GRIK1: variants seen among roughly 807,000 people sequenced by gnomAD.
GRIK1 encodes the protein glutamate ionotropic receptor kainate type subunit 1, also known as glutamate receptor ionotropic, kainate 1.
GRIK1 carries 69 observed loss-of-function variants against 105.7 expected under a neutral mutation model. That is an observed-to-expected ratio of 0.65 (90% CI 0.54 to 0.80). The LOEUF is 0.80. Among genes scored for constraint, GRIK1 ranks in the 30% least tolerant of loss-of-function variants. The probability of loss-of-function intolerance (pLI) is 0.00; values close to 1 mark genes in which losing one functional copy is unlikely to be tolerated. For missense variants in GRIK1, 1,109 were observed against 1,167.3 expected, an observed-to-expected ratio of 0.95 and a Z score of 0.73; for synonymous variants, 438 against 431.3, an observed-to-expected ratio of 1.02 and a Z score of -0.19.
chr21:29,848,091 C>T (rs980527244), intron 1 of GRIK1, among the ~76,000 whole-genome samples: 2 of 152,100 alleles, frequency 1.3e-5, no homozygotes, highest in East Asian at 3.9e-4. Flanking sequence ...CTAACTTGAT[C>T]GTCTCAGCCA....
intron 1 of GRIK1, among the ~76,000 whole-genome samples, chr21:29,821,912 C>A (rs1395906341): frequency 6.6e-6 from 1 of 151,940 alleles, no homozygotes; most frequent in East Asian, 1.9e-4. Flanking sequence ...CTATGCAATT[C>A]TTCTGTAAGC....
At chr21:29,772,680 C>A (rs1296542481) in intron 1 of GRIK1, among the ~76,000 whole-genome samples, 1 of 151,962 alleles carries the variant, frequency 6.6e-6, no homozygotes, top group Non-Finnish European at 1.5e-5. Context: ...TGTAAATTTG[C>A]GTATGTGAAA....
At position 29,673,094 on chromosome 21, in the gene GRIK1, C is replaced by A. The variant is rs1168713083; in HGVS notation, c.615G>T (p.Leu205=). 39 of 1,611,680 alleles carry A rather than the reference C, an allele frequency of 2.4e-5. No individual in the cohort carries two copies. Among genetic ancestry groups the A allele is most frequent in the Non-Finnish European group, 2.5e-5 (30 of 1,177,976 alleles). The change falls in exon 4 of 18, where the codon CTG becomes CTT. Residue 205 remains leucine, a synonymous_variant. Transcript: ENST00000327783. ...RYNIKIKIRQ[L]PSGNKDAKPL... ...GCTTGGCATCTTTATTCCCAGAGGG[C>A]AGCTGGCGGATTTTGATTTTAATAT... is the stretch of plus-strand genomic sequence containing the variant.
intron 1 of GRIK1, among the ~76,000 whole-genome samples, chr21:29,752,415 G>A (rs529939184): frequency 6.6e-6 from 1 of 152,308 alleles, no homozygotes; most frequent in East Asian, 1.9e-4. Context: ...CATGAAGGAT[G>A]TGTGAAAATA....
intron 8 of GRIK1, chr21:29,597,783 T>C (rs193133041): frequency 1.0e-3 from 230 of 228,656 alleles, no homozygotes; most frequent in Admixed American, 1.9e-3. Flanking sequence ...CACCTTCTAA[T>C]ACATTCAGCC....
intron 3 of GRIK1, among the ~76,000 whole-genome samples, chr21:29,679,103 G>C (rs982854520): frequency 1.3e-5 from 2 of 152,164 alleles, no homozygotes; most frequent in Admixed American, 6.5e-5. Context: ...TTAGGACAGT[G>C]CACATAGTCA....
chr21:29,867,932 G>GAA (rs1473050395), intron 1 of GRIK1, among the ~76,000 whole-genome samples: 3,101 of 103,708 alleles, frequency 0.03, 94 homozygotes, highest in African/African-American at 0.085. Flanking sequence ...GAGAAAGAGA[G>GAA]AGAAAGAGAG....
chr21:29,566,898 T>A (rs2090623455), intron 14 of GRIK1, among the ~76,000 whole-genome samples: 1 of 151,150 alleles, frequency 6.6e-6, no homozygotes, highest in Non-Finnish European at 1.5e-5. Flanking sequence ...TATCTCTTAA[T>A]ACACAGAGCA....
At chr21:29,698,659 GTCTTT>G (rs2063757202) in intron 1 of GRIK1, among the ~76,000 whole-genome samples, 1 of 152,114 alleles carries the variant, frequency 6.6e-6, no homozygotes, top group Admixed American at 6.6e-5. Flanking sequence ...TCACCTGCCA[GTCTTT>G]ATAGACTGGA....
intron 1 of GRIK1, among the ~76,000 whole-genome samples, chr21:29,734,353 T>A (rs1273559678): frequency 1.4e-4 from 2 of 13,878 alleles, no homozygotes; most frequent in Admixed American, 1.4e-3. Context: ...GCACTTTTCT[T>A]TTCTTTTCTT....
At chr21:29,718,929 G>A (rs2064245394) in intron 1 of GRIK1, among the ~76,000 whole-genome samples, 1 of 152,080 alleles carries the variant, frequency 6.6e-6, no homozygotes, top group Non-Finnish European at 1.5e-5. Context: ...AAGTTACAAT[G>A]TGCAAAAATC....
At chr21:29,577,487 A>G (rs993402341) in intron 13 of GRIK1, among the ~76,000 whole-genome samples, 1 of 152,194 alleles carries the variant, frequency 6.6e-6, no homozygotes, top group Non-Finnish European at 1.5e-5. Context: ...GTCAACCCCA[A>G]GACTTTTTGC....
At chr21:29,790,375 A>G (rs1419279320) in intron 1 of GRIK1, among the ~76,000 whole-genome samples, 2 of 152,016 alleles carry the variant, frequency 1.3e-5, no homozygotes, top group Non-Finnish European at 2.9e-5. Flanking sequence ...TTTGAGATAC[A>G]TATTACCAGT....
At chr21:29,860,780 C>G (rs1278908087) in intron 1 of GRIK1, among the ~76,000 whole-genome samples, 2 of 152,022 alleles carry the variant, frequency 1.3e-5, no homozygotes, top group Non-Finnish European at 2.9e-5. Flanking sequence ...CATCTAGATC[C>G]ATAGTTTTCA....
chr21:29,812,356 C>T (rs1375712728), intron 1 of GRIK1, among the ~76,000 whole-genome samples: 1 of 152,080 alleles, frequency 6.6e-6, no homozygotes, highest in Non-Finnish European at 1.5e-5. Flanking sequence ...TAACTCTGCC[C>T]TTCACTCTCT....
intron 16 of GRIK1, chr21:29,553,389 G>A (rs1426686828): frequency 2.3e-6 from 3 of 1,294,714 alleles, no homozygotes; most frequent in Non-Finnish European, 2.9e-6. Flanking sequence ...TACAGTGCAA[G>A]TATCTTTCCA....
At chr21:29,930,537 A>G (rs1386888173) in intron 1 of GRIK1, among the ~76,000 whole-genome samples, 1 of 152,224 alleles carries the variant, frequency 6.6e-6, no homozygotes, top group Non-Finnish European at 1.5e-5. Flanking sequence ...AATTTTGCTA[A>G]GAAAAGTAAT....
chr21:29,782,972 CATGCACA>C (rs2066164771), intron 1 of GRIK1, among the ~76,000 whole-genome samples: 1 of 152,148 alleles, frequency 6.6e-6, no homozygotes, highest in African/African-American at 2.4e-5. Context: ...CAGCAAAATT[CATGCACA>C]TTTTAATTCT....
chr21:29,546,000 G>A (rs969971949), intron 16 of GRIK1, among the ~76,000 whole-genome samples: 20 of 152,152 alleles, frequency 1.3e-4, no homozygotes, highest in African/African-American at 4.1e-4. Flanking sequence ...CCAAGGGTCA[G>A]CTGGGATAAG....
Sources: gnomAD v4.1 joint callset for allele counts (sites outside exome capture counted in the v4.1 genomes callset) on GRCh38, gnomAD v4.1.1 for gene constraint, MANE v1.5 for transcripts, NCBI Gene and HGNC (gene_info 2026-07-23, HGNC 2026-07-21) for gene names.